Variants in LDLRAD4 observed in about 807,000 individuals in gnomAD.
LDLRAD4 encodes the protein low-density lipoprotein receptor class A domain-containing protein 4.
In LDLRAD4, 5 loss-of-function variants were observed where a neutral mutation model predicts 17.0. The ratio of observed to expected loss-of-function variants is 0.29; its 90% confidence interval spans 0.15 to 0.62. LDLRAD4 has a LOEUF of 0.62. Ranked by LOEUF, LDLRAD4 falls within the 20% of genes least tolerant of loss-of-function variation. LDLRAD4 has a pLI of 0.84. For synonymous variants in LDLRAD4, 168 were observed against 171.8 expected (o/e 0.98, Z 0.17); for missense variants, 340 against 424.7 (o/e 0.80, Z 1.75).
At chr18:13,282,134 T>C (rs1207012590) in intron 1 of LDLRAD4, among the ~76,000 whole-genome samples, 1 of 152,174 alleles carries the variant, frequency 6.6e-6, no homozygotes, top group Non-Finnish European at 1.5e-5. Context: ...ATGATTCAAC[T>C]ACCTTCCCCT....
intron 1 of LDLRAD4, among the ~76,000 whole-genome samples, chr18:13,237,487 T>C (rs891367761): frequency 6.6e-6 from 1 of 152,188 alleles, no homozygotes; most frequent in East Asian, 1.9e-4. Flanking sequence ...TGTTCTTGCA[T>C]TGGAGACAGA....
intron 3 of LDLRAD4, among the ~76,000 whole-genome samples, chr18:13,444,200 T>C (rs1338362142): frequency 1.3e-5 from 2 of 152,188 alleles, no homozygotes; most frequent in Non-Finnish European, 2.9e-5. Flanking sequence ...AACTGATGAA[T>C]TGAAATATGT....
intron 1 of LDLRAD4, among the ~76,000 whole-genome samples, chr18:13,363,530 C>T (rs1415342045): frequency 6.6e-6 from 1 of 152,084 alleles, no homozygotes; most frequent in Non-Finnish European, 1.5e-5. Context: ...AAAGCCAAAC[C>T]TGTTATGCAT....
chr18:13,332,680 C>T (rs1437968163), intron 1 of LDLRAD4, among the ~76,000 whole-genome samples: 2 of 151,764 alleles, frequency 1.3e-5, no homozygotes, highest in Non-Finnish European at 2.9e-5. Context: ...GTAGCTTCTT[C>T]ATTTAGTAAT....
At chr18:13,505,773 G>A (rs143446463) in intron 3 of LDLRAD4, among the ~76,000 whole-genome samples, 4,572 of 152,150 alleles carry the variant, frequency 0.03, 82 homozygotes, top group Middle Eastern at 0.048. Context: ...AGCCGAGATC[G>A]CACCACTGCA....
At chr18:13,537,872 TCAG>T (rs2094221762) in intron 3 of LDLRAD4, among the ~76,000 whole-genome samples, 1 of 152,234 alleles carries the variant, frequency 6.6e-6, no homozygotes, top group Non-Finnish European at 1.5e-5. Context: ...ACGGGGCTCT[TCAG>T]TTTTTCTGTT....
chr18:13,623,368 G>C (rs1206655750), intron 4 of LDLRAD4, among the ~76,000 whole-genome samples: 1 of 152,212 alleles, frequency 6.6e-6, no homozygotes, highest in African/African-American at 2.4e-5. Context: ...TCTGGGCCTC[G>C]TTTTGTTAAT....
chr18:13,452,395 T>C (rs551714827), intron 3 of LDLRAD4, among the ~76,000 whole-genome samples: 97 of 152,080 alleles, frequency 6.4e-4, no homozygotes, highest in African/African-American at 2.3e-3. Flanking sequence ...TGGGGCTATC[T>C]CCTGGCAGAG....
chr18:13,321,906 A>AAGAAAAGAAG, intron 1 of LDLRAD4, among the ~76,000 whole-genome samples: 1 of 117,012 alleles, frequency 8.5e-6, no homozygotes, highest in African/African-American at 3.5e-5. Flanking sequence ...AAAAAAAGAA[A>AAGAAAAGAAG]AGAAAAAGAA....
chr18:13,476,322 G>T (rs1568218342), intron 3 of LDLRAD4, among the ~76,000 whole-genome samples: 2 of 152,278 alleles, frequency 1.3e-5, no homozygotes, highest in East Asian at 3.9e-4. Context: ...ACTGAATTAG[G>T]AGACTTCATG....
chr18:13,433,924 G>T (rs78554400), intron 2 of LDLRAD4, among the ~76,000 whole-genome samples: 1 of 152,128 alleles, frequency 6.6e-6, no homozygotes, highest in Non-Finnish European at 1.5e-5. Context: ...GACAAAAAAG[G>T]GTTTCCTCTC....
At chr18:13,505,330 A>G (rs1465961558) in intron 3 of LDLRAD4, among the ~76,000 whole-genome samples, 2 of 152,190 alleles carry the variant, frequency 1.3e-5, no homozygotes, top group Non-Finnish European at 2.9e-5. Context: ...GTAATGTGGG[A>G]CCATAAAAAT....
chr18:13,292,606 A>G (rs996467142), intron 1 of LDLRAD4, among the ~76,000 whole-genome samples: 29 of 152,190 alleles, frequency 1.9e-4, no homozygotes, highest in Non-Finnish European at 1.0e-4. Context: ...TTTACAAATC[A>G]TGCCTCTAGG....
intron 1 of LDLRAD4, among the ~76,000 whole-genome samples, chr18:13,257,141 G>A (rs562937526): frequency 1.2e-4 from 19 of 152,346 alleles, no homozygotes; most frequent in African/African-American, 2.6e-4. Context: ...AGGGTCCGGC[G>A]GGACAGACGT....
chr18:13,449,801 G>C (rs2091674255), intron 3 of LDLRAD4, among the ~76,000 whole-genome samples: 2 of 152,186 alleles, frequency 1.3e-5, no homozygotes, highest in South Asian at 4.1e-4. Context: ...GTCAGCTATG[G>C]TTCCAGGTAG....
At chr18:13,560,535 G>A (rs2094529676) in intron 3 of LDLRAD4, among the ~76,000 whole-genome samples, 3 of 152,322 alleles carry the variant, frequency 2.0e-5, no homozygotes, top group African/African-American at 7.2e-5. Flanking sequence ...CAGATGACCT[G>A]GTAGGGCTCT....
intron 1 of LDLRAD4, among the ~76,000 whole-genome samples, chr18:13,244,932 A>G (rs543851229): frequency 2.0e-5 from 3 of 152,024 alleles, no homozygotes; most frequent in African/African-American, 7.3e-5. Context: ...TCTGGGAGAA[A>G]CAAACAAGCA....
At position 13,262,335 on chromosome 18, in the gene LDLRAD4, C is replaced by T. The variant is rs370327860; in HGVS notation, c.-466-15770C>T. On this transcript the variant is annotated intron_variant, in intron 1 of 5. Transcript: ENST00000399848. ...GTGTGTGTGGAAACTGAGTCCCGTG[C>T]GGCTCTGTGCGTGGGGGCTGAGTCC... Among the ~76,000 whole-genome samples the T allele has an allele frequency of 3.3e-3, 224 of 67,632 alleles. 4 individuals are homozygous for T. Among genetic ancestry groups the T allele is most frequent in the African/African-American group, 0.017 (189 of 10,930 alleles). The allele number at this position is 67,632 out of a possible 152,430, so 44.4% of individuals were successfully genotyped here. A position where few individuals can be genotyped will look rare whatever the true frequency, so the allele number is the denominator to read the frequency against.
chr18:13,595,684 T>C (rs901862891), intron 3 of LDLRAD4, among the ~76,000 whole-genome samples: 1 of 152,232 alleles, frequency 6.6e-6, no homozygotes, highest in Admixed American at 6.5e-5. Flanking sequence ...ATGTTGTTTA[T>C]TGCTTACATA....
Sources: gnomAD v4.1 joint callset for allele counts (sites outside exome capture counted in the v4.1 genomes callset) on GRCh38, gnomAD v4.1.1 for gene constraint, MANE v1.5 for transcripts, NCBI Gene and HGNC (gene_info 2026-07-23, HGNC 2026-07-21) for gene names.